ESRRG: variants seen among roughly 807,000 people sequenced by gnomAD.
ESRRG encodes the protein estrogen related receptor gamma.
Under a neutral mutation model 44.0 loss-of-function variants are expected in ESRRG, and 13 were observed. That is an observed-to-expected ratio of 0.30 (90% CI 0.19 to 0.47). The LOEUF is 0.47. Ranked by LOEUF, ESRRG falls within the 20% of genes least tolerant of loss-of-function variation. ESRRG has a pLI of 1.00. For missense variants in ESRRG, 395 were observed against 580.6 expected (o/e 0.68, Z 3.29); for synonymous variants, 215 against 214.6 (o/e 1.00, Z -0.02).
intron 2 of ESRRG, among the ~76,000 whole-genome samples, chr1:216,671,514 A>G (rs2075175597): frequency 6.6e-6 from 1 of 152,182 alleles, no homozygotes; most frequent in South Asian, 2.1e-4. Flanking sequence ...CATATTCCCA[A>G]TATCAACCAA....
At chr1:217,088,518 C>T (rs2092235588) in intron 1 of ESRRG, among the ~76,000 whole-genome samples, 1 of 143,646 alleles carries the variant, frequency 7.0e-6, no homozygotes. Flanking sequence ...TGTCTTATTG[C>T]ATGGCCACTG....
chr1:216,876,711 T>C (rs560208181), intron 2 of ESRRG, among the ~76,000 whole-genome samples: 2 of 152,190 alleles, frequency 1.3e-5, no homozygotes, highest in East Asian at 3.9e-4. Context: ...ATAGAACCCA[T>C]AGAACCAATT....
chr1:216,870,394 A>G (rs1040978926), intron 2 of ESRRG, among the ~76,000 whole-genome samples: 2 of 151,208 alleles, frequency 1.3e-5, no homozygotes, highest in Admixed American at 6.6e-5. Context: ...CTAGTATTTT[A>G]TTGAGAATGC....
intron 2 of ESRRG, among the ~76,000 whole-genome samples, chr1:216,755,083 T>C (rs978110842): frequency 6.6e-6 from 1 of 152,036 alleles, no homozygotes; most frequent in African/African-American, 2.4e-5. Flanking sequence ...AGAAAGGGGC[T>C]GCATAGCGGA....
intron 1 of ESRRG, among the ~76,000 whole-genome samples, chr1:217,007,809 G>A (rs143503074): frequency 3.5e-3 from 533 of 152,034 alleles, no homozygotes; most frequent in African/African-American, 0.012. Context: ...GCCAAACACT[G>A]TTCTAGGTGC....
intron 3 of ESRRG, among the ~76,000 whole-genome samples, chr1:216,623,077 C>CTTTTTTTTTTTTTTTTTTTTTTTTTTTT (rs370657704): frequency 2.3e-5 from 2 of 88,660 alleles, no homozygotes; most frequent in African/African-American, 4.5e-5. Flanking sequence ...AATCATTAAA[C>CTTTTTTTTTTTTTTTTTTTTTTTTTTTT]TTTTTTTTTT....
chr1:216,652,792 C>A (rs1268268397), intron 2 of ESRRG, among the ~76,000 whole-genome samples: 1 of 152,034 alleles, frequency 6.6e-6, no homozygotes, highest in East Asian at 1.9e-4. Context: ...GTTTCTTCAA[C>A]CATCTCTGAA....
At chr1:216,779,509 TATTTATAAATATAA>T (rs1559608435) in intron 2 of ESRRG, among the ~76,000 whole-genome samples, 7 of 67,152 alleles carry the variant, frequency 1.0e-4, no homozygotes, top group African/African-American at 4.5e-4. Flanking sequence ...TATAAATATA[TATTTATAAATATAA>T]ATATAAATAT....
rs372358150 is a variant in ESRRG at position 216,877,932 on chromosome 1, C to A, written c.-14+61650G>T. ...TCGTCCAGTGATGGACACACCAGCT[C>A]CTTAATACTGCAACAAACACCATTG... On this transcript the variant is annotated intron_variant, in intron 2 of 7. Transcript: ENST00000359162. Among the ~76,000 whole-genome samples the A allele has an allele frequency of 2.6e-5, 4 of 152,106 alleles. No homozygotes were observed. The East Asian group carries it at 5.8e-4, about 22-fold the overall frequency.
intron 2 of ESRRG, among the ~76,000 whole-genome samples, chr1:216,740,475 A>G (rs1483360331): frequency 1.3e-5 from 2 of 152,132 alleles, no homozygotes; most frequent in Non-Finnish European, 1.5e-5. Context: ...AGAAGAGGAG[A>G]GCACAACACA....
At chr1:216,551,252 T>C (rs1014035064) in intron 5 of ESRRG, among the ~76,000 whole-genome samples, 1 of 152,190 alleles carries the variant, frequency 6.6e-6, no homozygotes, top group Non-Finnish European at 1.5e-5. Context: ...GCTCTTAATA[T>C]ATACTTTGTT....
chr1:217,096,558 C>G (rs772815605), intron 1 of ESRRG, among the ~76,000 whole-genome samples: 2 of 152,166 alleles, frequency 1.3e-5, no homozygotes, highest in African/African-American at 2.4e-5. Context: ...CCTCAGGTAA[C>G]GATCCTTAGA....
At chr1:216,818,030 C>T (rs1232514104) in intron 2 of ESRRG, among the ~76,000 whole-genome samples, 2 of 152,008 alleles carry the variant, frequency 1.3e-5, no homozygotes, top group African/African-American at 4.8e-5. Context: ...AAACTATATA[C>T]AGTTATCATT....
chr1:217,028,001 AT>A (rs918024027), intron 1 of ESRRG, among the ~76,000 whole-genome samples: 1 of 152,194 alleles, frequency 6.6e-6, no homozygotes, highest in African/African-American at 2.4e-5. Flanking sequence ...ATCAACTGAA[AT>A]TCATTCCATT....
chr1:217,114,683 T>C (rs867728398), intron 1 of ESRRG, among the ~76,000 whole-genome samples: 3 of 149,394 alleles, frequency 2.0e-5, no homozygotes, highest in South Asian at 4.3e-4. Flanking sequence ...TTTTTTTTTT[T>C]TTTTTGAGAC....
intron 6 of ESRRG, among the ~76,000 whole-genome samples, chr1:216,516,259 G>T (rs908751498): frequency 2.6e-5 from 4 of 152,118 alleles, no homozygotes; most frequent in Non-Finnish European, 5.9e-5. Flanking sequence ...AGATTTGAAT[G>T]TGAAAACTGC....
At chr1:216,747,465 A>T (rs1178854912) in intron 2 of ESRRG, among the ~76,000 whole-genome samples, 1 of 152,086 alleles carries the variant, frequency 6.6e-6, no homozygotes, top group African/African-American at 2.4e-5. Flanking sequence ...ATAATGATAG[A>T]TTGGGTGAAA....
At chr1:216,803,385 A>C (rs2094685144) in intron 2 of ESRRG, among the ~76,000 whole-genome samples, 1 of 152,082 alleles carries the variant, frequency 6.6e-6, no homozygotes, top group African/African-American at 2.4e-5. Flanking sequence ...TAGTGTTCAG[A>C]CTCTTGAGTG....
chr1:216,578,980 TAAG>T (rs950092869), intron 3 of ESRRG, among the ~76,000 whole-genome samples: 2 of 152,036 alleles, frequency 1.3e-5, no homozygotes, highest in African/African-American at 4.8e-5. Context: ...CTGGTGAAAA[TAAG>T]AAATCTATGT....
Sources: allele counts gnomAD v4.1 joint callset (sites outside exome capture counted in the v4.1 genomes callset), GRCh38; gene constraint gnomAD v4.1.1; transcripts MANE v1.5; gene names NCBI Gene and HGNC (gene_info 2026-07-23, HGNC 2026-07-21).